The following USH2A variants were observed in gnomAD, a reference collection of about 807,000 sequenced individuals.
The protein encoded by USH2A is Usher syndrome 2A (autosomal recessive, mild).
In USH2A, 443 loss-of-function variants were observed where a neutral mutation model predicts 538.9. The ratio of observed to expected loss-of-function variants is 0.82; its 90% CI spans 0.76 to 0.89. USH2A has a LOEUF of 0.89. Ranked by LOEUF, USH2A falls within the 40% of genes least tolerant of loss-of-function variation. The pLI, the probability that USH2A is intolerant of heterozygous loss-of-function variation, is 0.00. For missense variants in USH2A, 6,633 were observed against 6,324.8 expected (o/e 1.05, Z -1.65); for synonymous variants, 2,413 against 2,273.5 (o/e 1.06, Z -1.75).
intron 66 of USH2A, among the ~76,000 whole-genome samples, chr1:215,648,005 T>C (rs1202776326): frequency 6.6e-6 from 1 of 152,368 alleles, no homozygotes; most frequent in Admixed American, 6.5e-5. Flanking sequence ...TTGGTAGAGA[T>C]AAGACATTTC....
intron 9 of USH2A, among the ~76,000 whole-genome samples, chr1:216,298,453 T>G (rs979671594): frequency 1.3e-5 from 2 of 152,182 alleles, no homozygotes; most frequent in African/African-American, 4.8e-5. Flanking sequence ...CTGGACTAAA[T>G]GCTGTATCAA....
At chr1:215,671,726 G>C (rs1657824489) in intron 63 of USH2A, among the ~76,000 whole-genome samples, 1 of 152,134 alleles carries the variant, frequency 6.6e-6, no homozygotes, top group Non-Finnish European at 1.5e-5. Flanking sequence ...TAGCAATGAA[G>C]AATGCAGACC....
At chr1:215,891,891 C>T (rs1244214843) in intron 40 of USH2A, among the ~76,000 whole-genome samples, 2 of 152,080 alleles carry the variant, frequency 1.3e-5, no homozygotes, top group Non-Finnish European at 2.9e-5. Context: ...TAGAGAACTC[C>T]CTCTTGGAGC....
intron 37 of USH2A, among the ~76,000 whole-genome samples, chr1:215,964,605 G>A (rs1667289340): frequency 6.6e-6 from 1 of 152,076 alleles, no homozygotes; most frequent in Admixed American, 6.6e-5. Context: ...AAAAATAAAG[G>A]TTCAAACTTC....
intron 47 of USH2A, among the ~76,000 whole-genome samples, chr1:215,834,114 A>G (rs1663407328): frequency 6.6e-6 from 1 of 152,154 alleles, no homozygotes; most frequent in Non-Finnish European, 1.5e-5. Context: ...ATACAATGCT[A>G]GTAGGAATGA....
intron 44 of USH2A, among the ~76,000 whole-genome samples, chr1:215,864,021 C>T (rs1664401544): frequency 6.6e-6 from 1 of 152,146 alleles, no homozygotes; most frequent in Non-Finnish European, 1.5e-5. Context: ...TGTTTTACTG[C>T]TCTTTTCTGG....
At chr1:216,232,181 C>T (rs1348287799) in intron 13 of USH2A, 45 bp from the exon 14 acceptor site, 1 of 1,559,948 alleles carries the variant, frequency 6.4e-7, no homozygotes. Context: ...TTTTTATCCA[C>T]TCTTTTATTT....
At chr1:215,671,612 AG>A (rs925903134) in intron 63 of USH2A, among the ~76,000 whole-genome samples, 16 of 152,172 alleles carry the variant, frequency 1.1e-4, no homozygotes, top group Non-Finnish European at 1.9e-4. Context: ...TCTGTTCGAA[AG>A]GGGTGAGTGC....
chr1:216,144,239 G>C (rs753141433), intron 21 of USH2A, among the ~76,000 whole-genome samples: 1 of 152,044 alleles, frequency 6.6e-6, no homozygotes, highest in African/African-American at 2.4e-5. Flanking sequence ...GTTTAAATAC[G>C]ACCCTTTTGG....
chr1:216,233,446 A>G (rs2035741948), intron 13 of USH2A, among the ~76,000 whole-genome samples: 1 of 151,998 alleles, frequency 6.6e-6, no homozygotes. Flanking sequence ...ATTATAATCA[A>G]TCTCATTTCC....
intron 8 of USH2A, 43 bp downstream of exon 8, chr1:216,323,431 A>G (rs375259829): frequency 1.3e-6 from 2 of 1,591,820 alleles, no homozygotes; most frequent in African/African-American, 2.7e-5. Flanking sequence ...TAAGACAGTA[A>G]GTATGACAAA....
chr1:215,778,036 C>G (rs541973597), intron 55 of USH2A, among the ~76,000 whole-genome samples: 1 of 150,134 alleles, frequency 6.7e-6, no homozygotes, highest in South Asian at 2.1e-4. Context: ...AATATGAGGG[C>G]TTCTCCCAAC....
intron 61 of USH2A, among the ~76,000 whole-genome samples, chr1:215,685,145 G>A (rs534924280): frequency 1.6e-4 from 25 of 151,970 alleles, no homozygotes; most frequent in South Asian, 6.2e-4. Context: ...GCAATTGGAT[G>A]ACTTTTATAT....
At chr1:215,937,100 A>C (rs184041654) in intron 37 of USH2A, among the ~76,000 whole-genome samples, 490 of 152,236 alleles carry the variant, frequency 3.2e-3, no homozygotes, top group South Asian at 6.2e-3. Context: ...CTCTGGACCC[A>C]AAATTGGCAC....
intron 50 of USH2A, 86 bp from the exon 51 acceptor site, chr1:215,790,368 C>T: frequency 6.9e-7 from 1 of 1,456,596 alleles, no homozygotes; most frequent in African/African-American, 1.4e-5. Context: ...ATAAAAATGT[C>T]AGGCTCAGGC....
intron 32 of USH2A, among the ~76,000 whole-genome samples, chr1:216,040,633 C>T (rs952676881): frequency 6.6e-6 from 1 of 151,968 alleles, no homozygotes; most frequent in Non-Finnish European, 1.5e-5. Flanking sequence ...CCAGCCTGAA[C>T]TTTGAAACAA....
chr1:216,147,450 G>C (rs999073845), intron 21 of USH2A, among the ~76,000 whole-genome samples: 3 of 152,068 alleles, frequency 2.0e-5, no homozygotes, highest in Non-Finnish European at 2.9e-5. Context: ...ATCAGATAGC[G>C]TTTAGGCTGT....
intron 11 of USH2A, among the ~76,000 whole-genome samples, chr1:216,251,687 G>A (rs1053689263): frequency 8.6e-5 from 13 of 151,992 alleles, no homozygotes; most frequent in South Asian, 2.1e-4. Context: ...TGATCCGCCC[G>A]CCTCGGCCTC....
At chr1:215,843,338 AAATAC>A (rs1663742352) in intron 46 of USH2A, among the ~76,000 whole-genome samples, 1 of 152,172 alleles carries the variant, frequency 6.6e-6, no homozygotes, top group South Asian at 2.1e-4. Context: ...GGGGTTTCTG[AAATAC>A]TCTGATTTTT....
Sources: allele counts gnomAD v4.1 joint callset (sites outside exome capture counted in the v4.1 genomes callset), GRCh38; gene constraint gnomAD v4.1.1; transcripts MANE v1.5; gene names NCBI Gene and HGNC (gene_info 2026-07-23, HGNC 2026-07-21).